SYT1: variants seen among roughly 807,000 people sequenced by gnomAD.
The protein encoded by SYT1 is synaptotagmin 1, also known as synaptotagmin-1.
SYT1 carries 8 observed loss-of-function variants against 44.8 expected under a neutral mutation model. That is an observed-to-expected ratio of 0.18 (90% CI 0.10 to 0.32). The LOEUF (loss-of-function observed/expected upper bound fraction) is 0.32, where lower values mean the gene tolerates loss of function less well. Ranked by LOEUF, SYT1 falls within the 10% of genes least tolerant of loss-of-function variation. The pLI, the probability that SYT1 is intolerant of heterozygous loss-of-function variation, is 1.00. For synonymous variants in SYT1, 154 were observed against 188.8 expected, an observed-to-expected ratio of 0.82 and a Z score of 1.51; for missense variants, 286 against 509.3, an observed-to-expected ratio of 0.56 and a Z score of 4.22.
intron 3 of SYT1, among the ~76,000 whole-genome samples, chr12:79,063,458 TC>T (rs1198448329): frequency 6.6e-6 from 1 of 152,090 alleles, no homozygotes; most frequent in Non-Finnish European, 1.5e-5. Context: ...TGCTCTCTCC[TC>T]CCAGGATCCC....
intron 2 of SYT1, among the ~76,000 whole-genome samples, chr12:78,982,308 A>G (rs1565748111): frequency 6.6e-6 from 1 of 152,194 alleles, no homozygotes; most frequent in Non-Finnish European, 1.5e-5. Context: ...TCAGTGAAAT[A>G]AAAGTCTAAA....
chr12:78,876,126 A>C (rs1384718986), intron 1 of SYT1, among the ~76,000 whole-genome samples: 1 of 151,678 alleles, frequency 6.6e-6, no homozygotes, highest in Non-Finnish European at 1.5e-5. Flanking sequence ...AAAGTAAATA[A>C]ACACAGAAAA....
intron 3 of SYT1, among the ~76,000 whole-genome samples, chr12:79,216,996 A>G (rs1302511420): frequency 6.6e-6 from 1 of 152,182 alleles, no homozygotes; most frequent in Non-Finnish European, 1.5e-5. Context: ...AACATCTTAG[A>G]GTATCAATAT....
At chr12:79,254,552 A>AT (rs1193937334) in intron 4 of SYT1, among the ~76,000 whole-genome samples, 1 of 152,228 alleles carries the variant, frequency 6.6e-6, no homozygotes, top group Non-Finnish European at 1.5e-5. Context: ...TTAAGAAGTA[A>AT]TTTTAACTTT....
At chr12:79,036,445 A>T (rs914789101) in intron 2 of SYT1, 3 of 151,874 alleles carry the variant, frequency 2.0e-5, no homozygotes, top group Non-Finnish European at 4.4e-5. Context: ...AGTCTCAATT[A>T]TATGACCCTG....
At chr12:79,377,075 CT>C (rs551722233) in intron 9 of SYT1, among the ~76,000 whole-genome samples, 148 of 151,798 alleles carry the variant, frequency 9.7e-4, no homozygotes, top group South Asian at 2.9e-3. Context: ...TAAATCTTCC[CT>C]TTTAGAGATG....
intron 4 of SYT1, among the ~76,000 whole-genome samples, chr12:79,277,886 A>G (rs1425038389): frequency 6.6e-6 from 1 of 152,016 alleles, no homozygotes; most frequent in Non-Finnish European, 1.5e-5. Context: ...CAGAAAACAG[A>G]CTTTAAATCA....
intron 9 of SYT1, among the ~76,000 whole-genome samples, chr12:79,370,084 A>T (rs572615586): frequency 1.3e-5 from 2 of 152,338 alleles, no homozygotes; most frequent in African/African-American, 4.8e-5. Flanking sequence ...TATTACCGAG[A>T]TTATTTATTT....
intron 9 of SYT1, among the ~76,000 whole-genome samples, chr12:79,410,387 C>T (rs1329486538): frequency 1.3e-5 from 2 of 151,392 alleles, no homozygotes; most frequent in Admixed American, 1.3e-4. Context: ...GGCGAGAATT[C>T]AGTCATGGGT....
chr12:79,256,019 T>C (rs1877492904), intron 4 of SYT1, among the ~76,000 whole-genome samples: 1 of 152,212 alleles, frequency 6.6e-6, no homozygotes, highest in African/African-American at 2.4e-5. Context: ...AATTAAAATA[T>C]ATCCCTAGAA....
At chr12:78,882,613 G>T (rs1252380454) in intron 1 of SYT1, among the ~76,000 whole-genome samples, 1 of 151,672 alleles carries the variant, frequency 6.6e-6, no homozygotes, top group Non-Finnish European at 1.5e-5. Context: ...ACAAATAATT[G>T]CAACAAAATG....
At chr12:79,090,660 A>C (rs1565801863) in intron 3 of SYT1, among the ~76,000 whole-genome samples, 1 of 151,988 alleles carries the variant, frequency 6.6e-6, no homozygotes, top group Non-Finnish European at 1.5e-5. Context: ...AAAGCATACA[A>C]ATTTATTACA....
intron 1 of SYT1, among the ~76,000 whole-genome samples, chr12:78,915,873 C>G (rs909672954): frequency 1.3e-5 from 2 of 151,950 alleles, no homozygotes; most frequent in African/African-American, 4.8e-5. Context: ...GCTTTGTTAT[C>G]TACTTTTCAT....
intron 4 of SYT1, among the ~76,000 whole-genome samples, chr12:79,229,976 ACTGC>A (rs1875771771): frequency 6.6e-6 from 1 of 152,140 alleles, no homozygotes; most frequent in Admixed American, 6.5e-5. Context: ...TATATTAAAA[ACTGC>A]AGGAAACTCC....
chr12:79,337,656 T>C (rs1414244196), intron 8 of SYT1, among the ~76,000 whole-genome samples: 1 of 151,934 alleles, frequency 6.6e-6, no homozygotes, highest in Non-Finnish European at 1.5e-5. Context: ...ATTATGCTTC[T>C]CAGAGTTAAA....
intron 1 of SYT1, among the ~76,000 whole-genome samples, chr12:78,911,481 C>G (rs529789309): frequency 4.0e-5 from 6 of 151,378 alleles, no homozygotes; most frequent in African/African-American, 1.5e-4. Context: ...AGCCTGCAAG[C>G]TGATAGAGGA....
chr12:79,142,123 C>G (rs917982094), intron 3 of SYT1, among the ~76,000 whole-genome samples: 1 of 152,186 alleles, frequency 6.6e-6, no homozygotes, highest in African/African-American at 2.4e-5. Context: ...CTCAAGAAAG[C>G]TCCTCAGGAA....
intron 4 of SYT1, among the ~76,000 whole-genome samples, chr12:79,230,076 C>T (rs1289889451): frequency 6.6e-6 from 1 of 152,144 alleles, no homozygotes; most frequent in African/African-American, 2.4e-5. Context: ...GTTCTGAATC[C>T]CACACAAATT....
chr12:79,245,228 G>A (rs1238091670), intron 4 of SYT1, among the ~76,000 whole-genome samples: 1 of 151,148 alleles, frequency 6.6e-6, no homozygotes, highest in Non-Finnish European at 1.5e-5. Flanking sequence ...CACTTTGGAA[G>A]GCCGAGGCGG....
Sources: allele counts gnomAD v4.1 joint callset (sites outside exome capture counted in the v4.1 genomes callset), GRCh38; gene constraint gnomAD v4.1.1; transcripts MANE v1.5; gene names NCBI Gene and HGNC (gene_info 2026-07-23, HGNC 2026-07-21).